Variants in CFDP1 observed in about 807,000 individuals in gnomAD.
CFDP1 encodes the protein heterochromatin-stabilizing protein CFDP1.
CFDP1 carries 31 observed loss-of-function variants against 40.1 expected under a neutral mutation model. The observed-to-expected ratio is 0.77, with a 90% CI of 0.58 to 1.04. The LOEUF (loss-of-function observed/expected upper bound fraction) is 1.04. Among genes scored for constraint, CFDP1 ranks in the 50% least tolerant of loss-of-function variants. CFDP1 has a pLI of 0.00. For missense variants in CFDP1, 423 were observed against 343.4 expected, an observed-to-expected ratio of 1.23 and a Z score of -1.83; for synonymous variants, 167 against 120.0, an observed-to-expected ratio of 1.39 and a Z score of -2.56.
chr16:75,404,284 G>C (rs2079080127), intron 4 of CFDP1, among the ~76,000 whole-genome samples: 2 of 147,736 alleles, frequency 1.4e-5, no homozygotes, highest in Non-Finnish European at 3.0e-5. Flanking sequence ...TGCCCAGGCT[G>C]GAGTGCAGTG....
intron 1 of CFDP1, among the ~76,000 whole-genome samples, chr16:75,415,031 G>A (rs987720890): frequency 2.0e-5 from 3 of 152,172 alleles, no homozygotes; most frequent in African/African-American, 7.2e-5. Flanking sequence ...TTCACTAAAT[G>A]AATGAGTGAA....
chr16:75,381,713 A>C (rs1322916764), intron 5 of CFDP1, among the ~76,000 whole-genome samples: 1 of 152,178 alleles, frequency 6.6e-6, no homozygotes, highest in Non-Finnish European at 1.5e-5. Context: ...AAACTGAGTT[A>C]AATACTGGAC....
intron 6 of CFDP1, among the ~76,000 whole-genome samples, chr16:75,297,146 T>A (rs11643209): frequency 7.5e-6 from 1 of 132,988 alleles, no homozygotes; most frequent in Non-Finnish European, 1.6e-5. Flanking sequence ...TTCCCATTTC[T>A]TGTGTGTGTG....
intron 4 of CFDP1, among the ~76,000 whole-genome samples, chr16:75,408,712 T>C (rs961710068): frequency 2.0e-5 from 3 of 148,868 alleles, no homozygotes; most frequent in Admixed American, 6.7e-5. Context: ...AAGGCGGAGG[T>C]TGCAGAGAGC....
At chr16:75,353,674 G>C (rs560917574) in intron 5 of CFDP1, among the ~76,000 whole-genome samples, 12 of 145,934 alleles carry the variant, frequency 8.2e-5, no homozygotes, top group African/African-American at 2.5e-4. Flanking sequence ...GCATGAACCC[G>C]GGAGGTGGAG....
intron 5 of CFDP1, among the ~76,000 whole-genome samples, chr16:75,383,052 C>G (rs2078864865): frequency 6.6e-6 from 1 of 152,198 alleles, no homozygotes; most frequent in Non-Finnish European, 1.5e-5. Context: ...ATTACTAGGT[C>G]TAAAGATGAA....
intron 5 of CFDP1, among the ~76,000 whole-genome samples, chr16:75,330,253 G>C (rs1287998634): frequency 6.6e-6 from 1 of 152,178 alleles, no homozygotes; most frequent in Non-Finnish European, 1.5e-5. Flanking sequence ...ATTTAGGTCA[G>C]CTGGACCTAG....
chr16:75,380,263 C>A (rs887382594), intron 5 of CFDP1: 2 of 152,070 alleles, frequency 1.3e-5, no homozygotes, highest in South Asian at 2.1e-4. Flanking sequence ...AGAAATGCTA[C>A]ATAAAATATA....
chr16:75,395,637 C>G (rs1219631233), intron 4 of CFDP1, among the ~76,000 whole-genome samples: 1 of 152,038 alleles, frequency 6.6e-6, no homozygotes, highest in Non-Finnish European at 1.5e-5. Flanking sequence ...CCAGCCTGGG[C>G]AACAGCACGA....
rs552057636 is a variant in CFDP1 at position 75,430,368 on chromosome 16, A to G, written c.64+2921T>C. Among the ~76,000 whole-genome samples the G allele has an allele frequency of 7.2e-5, 11 of 152,090 alleles. No individual in the cohort carries two copies. In the South Asian group the frequency reaches 2.3e-3, roughly 32 times the overall value. On this transcript the variant is annotated intron_variant, in intron 1 of 6. Coordinates refer to ENST00000283882, the MANE Select transcript of CFDP1 (RefSeq NM_006324.3). ...ATATCTTTAGTACAGACAGGGTTTC[A>G]CTATGTTGGCCAGACTGGTCTCCAA... is the stretch of plus-strand genomic sequence containing the variant.
Position 75,431,472 on chromosome 16 carries a change from A to G in CFDP1, c.64+1817T>C, listed in dbSNP as rs555453811. Among the ~76,000 whole-genome samples the G allele has an allele frequency of 5.4e-5, 8 of 147,510 alleles. No individual in the cohort carries two copies. In the South Asian group the frequency reaches 8.5e-4, roughly 16 times the overall value. ...CTTGTCTCAAAAAAAAAAAAAAAAA[A>G]AAAAAGAAAAGAAAAGAAAATCGAT... On this transcript the variant is annotated intron_variant, in intron 1 of 6. Transcript: ENST00000283882.
chr16:75,412,895 G>T, intron 2 of CFDP1, 141 bp from the exon 3 acceptor site: 1 of 495,532 alleles, frequency 2.0e-6, no homozygotes, highest in Non-Finnish European at 3.5e-6. Context: ...GAAGTGAGTA[G>T]AAGAGTTAAG....
intron 5 of CFDP1, among the ~76,000 whole-genome samples, chr16:75,342,249 T>C (rs561887062): frequency 6.6e-6 from 1 of 152,242 alleles, no homozygotes; most frequent in Non-Finnish European, 1.5e-5. Flanking sequence ...GAATTACCAT[T>C]GCTGGAAAAG....
At position 75,293,870 on chromosome 16, in the gene CFDP1, A is replaced by G; in HGVS notation, c.*82T>C. ...ACCTTGCTGGGAAACAGATGATGAG[A>G]AACACTGTAAAACATTTCACAGACG... is the stretch of plus-strand genomic sequence containing the variant. On this transcript the variant is annotated 3_prime_UTR_variant, in exon 7 of 7. Coordinates refer to ENST00000283882, the MANE Select transcript of CFDP1 (RefSeq NM_006324.3). 3 of 1,150,252 alleles carry G rather than the reference A, an allele frequency of 2.6e-6. No individual in the cohort carries two copies. The highest frequency in any genetic ancestry group is 3.9e-6 in the Non-Finnish European group (3 of 779,092). The allele number at this position is 1,150,252 out of a possible 1,614,324, so 71.3% of individuals were successfully genotyped here. A position where few individuals can be genotyped will look rare whatever the true frequency, so the allele number is the denominator to read the frequency against.
chr16:75,403,380 G>A lies in CFDP1; in HGVS notation c.531-8171C>T, dbSNP rs143938868. Among the ~76,000 whole-genome samples, 949 of 152,190 alleles carry A rather than the reference G, an allele frequency of 6.2e-3. 4 individuals are homozygous for A. Among genetic ancestry groups the A allele is most frequent in the Admixed American group, 0.01 (158 of 15,262 alleles). On this transcript the variant is annotated intron_variant, in intron 4 of 6. Coordinates refer to ENST00000283882, the MANE Select transcript of CFDP1 (RefSeq NM_006324.3). ...ACTACAGACACACACCACAATGACT[G>A]GCTAATTTTTATATTTTTTGTAGAA...
chr16:75,430,165 T>TG (rs2079393898), intron 1 of CFDP1, among the ~76,000 whole-genome samples: 1 of 41,996 alleles, frequency 2.4e-5, no homozygotes, highest in African/African-American at 4.7e-5. Flanking sequence ...CAGAGGTTTT[T>TG]TTTGTTTGTT....
At chr16:75,342,639 A>G (rs997754647) in intron 5 of CFDP1, among the ~76,000 whole-genome samples, 3 of 152,214 alleles carry the variant, frequency 2.0e-5, no homozygotes, top group African/African-American at 7.2e-5. Flanking sequence ...TACAGCGGAA[A>G]AAAAACATCC....
chr16:75,385,567 A>C (rs2078890029), intron 5 of CFDP1, among the ~76,000 whole-genome samples: 1 of 152,214 alleles, frequency 6.6e-6, no homozygotes, highest in African/African-American at 2.4e-5. Flanking sequence ...AAAAGAAAAA[A>C]GTAGAAACTG....
At chr16:75,387,410 G>T (rs140435892) in intron 5 of CFDP1, among the ~76,000 whole-genome samples, 386 of 152,242 alleles carry the variant, frequency 2.5e-3, no homozygotes, top group African/African-American at 8.9e-3. Context: ...CAAAGTGCTG[G>T]GATTACAGGC....
Sources: gnomAD v4.1 joint callset for allele counts (sites outside exome capture counted in the v4.1 genomes callset) on GRCh38, gnomAD v4.1.1 for gene constraint, MANE v1.5 for transcripts, NCBI Gene and HGNC (gene_info 2026-07-23, HGNC 2026-07-21) for gene names.